Variants in EXT1 observed in about 807,000 individuals in gnomAD.
EXT1 encodes exostosin-1.
A neutral mutation model predicts 82.5 loss-of-function variants in EXT1; 20 were observed. The observed-to-expected ratio is 0.24, with a 90% CI of 0.17 to 0.35. EXT1 has a LOEUF of 0.35. Ranked by LOEUF, EXT1 falls within the 10% of genes least tolerant of loss-of-function variation. EXT1 has a pLI of 1.00. For synonymous variants in EXT1, 348 were observed against 350.8 expected (o/e 0.99, Z 0.09); for missense variants, 757 against 936.5 (o/e 0.81, Z 2.50).
intron 1 of EXT1, among the ~76,000 whole-genome samples, chr8:117,885,946 G>C (rs1813140488): frequency 6.6e-6 from 1 of 152,152 alleles, no homozygotes; most frequent in Non-Finnish European, 1.5e-5. Context: ...CTAGAGTATG[G>C]TGGAATGAGC....
At chr8:118,073,632 AAGAAGAGAAG>A (rs200527277) in intron 1 of EXT1, among the ~76,000 whole-genome samples, 10,717 of 89,314 alleles carry the variant, frequency 0.12, 593 homozygotes, top group Admixed American at 0.15. Flanking sequence ...AGAGAAGAGA[AAGAAGAGAAG>A]AGAAGAGAAG....
At chr8:117,839,720 T>C (rs778818923) in intron 1 of EXT1, among the ~76,000 whole-genome samples, 3 of 152,258 alleles carry the variant, frequency 2.0e-5, no homozygotes, top group Non-Finnish European at 4.4e-5. Context: ...GACCACGTGC[T>C]TGATCCTCTC....
At chr8:117,912,606 A>G (rs1210748831) in intron 1 of EXT1, among the ~76,000 whole-genome samples, 1 of 152,198 alleles carries the variant, frequency 6.6e-6, no homozygotes, top group Admixed American at 6.5e-5. Flanking sequence ...TCACATCAAC[A>G]GTCTCAGAGC....
At chr8:117,873,117 C>T (rs937601601) in intron 1 of EXT1, among the ~76,000 whole-genome samples, 6 of 152,160 alleles carry the variant, frequency 3.9e-5, no homozygotes, top group African/African-American at 1.4e-4. Context: ...TCTTCACCAT[C>T]TCAGCCACAT....
At chr8:117,843,884 G>C (rs999262084) in intron 1 of EXT1, among the ~76,000 whole-genome samples, 1 of 151,976 alleles carries the variant, frequency 6.6e-6, no homozygotes, top group Non-Finnish European at 1.5e-5. Context: ...TTGCCTCCTT[G>C]GTCAGCCCAT....
At chr8:118,102,189 C>T (rs1817731147) in intron 1 of EXT1, among the ~76,000 whole-genome samples, 2 of 152,126 alleles carry the variant, frequency 1.3e-5, no homozygotes, top group South Asian at 2.1e-4. Flanking sequence ...ATCCCTTGAA[C>T]CCAGGAAGCG....
intron 1 of EXT1, among the ~76,000 whole-genome samples, chr8:118,088,999 G>A (rs1224380314): frequency 6.6e-6 from 1 of 152,140 alleles, no homozygotes; most frequent in Non-Finnish European, 1.5e-5. Context: ...TTGATTCAAG[G>A]AGAACGTGTG....
chr8:117,874,948 T>C (rs995279124), intron 1 of EXT1, among the ~76,000 whole-genome samples: 1 of 152,196 alleles, frequency 6.6e-6, no homozygotes. Context: ...TCTACACATA[T>C]AAGGTGCAAA....
At chr8:117,971,889 G>A (rs894911022) in intron 1 of EXT1, among the ~76,000 whole-genome samples, 3 of 152,268 alleles carry the variant, frequency 2.0e-5, no homozygotes, top group East Asian at 1.9e-4. Context: ...GGTGGCTCAC[G>A]CCTGTAATCC....
chr8:118,045,613 T>G (rs145026645), intron 1 of EXT1, among the ~76,000 whole-genome samples: 318 of 152,234 alleles, frequency 2.1e-3, no homozygotes, highest in African/African-American at 7.1e-3. Context: ...GCCTCTTCTA[T>G]GTCATCCATC....
chr8:117,897,626 G>A (rs1021026555), intron 1 of EXT1, among the ~76,000 whole-genome samples: 7 of 111,456 alleles, frequency 6.3e-5, no homozygotes, highest in African/African-American at 1.5e-4. Context: ...ACAGAGTCTC[G>A]CTCTGTCGAC....
intron 1 of EXT1, among the ~76,000 whole-genome samples, chr8:117,872,898 T>C (rs1032594354): frequency 5.3e-5 from 8 of 151,672 alleles, no homozygotes; most frequent in African/African-American, 9.7e-5. Flanking sequence ...TTTTACATAA[T>C]AAATAGATTC....
intron 1 of EXT1, among the ~76,000 whole-genome samples, chr8:117,957,285 G>A (rs1349780072): frequency 6.6e-6 from 1 of 152,236 alleles, no homozygotes; most frequent in Admixed American, 6.5e-5. Context: ...GATGAAAGCT[G>A]AGGATTGGTT....
chr8:118,029,845 C>A (rs1376412212), intron 1 of EXT1, among the ~76,000 whole-genome samples: 2 of 152,222 alleles, frequency 1.3e-5, no homozygotes, highest in East Asian at 3.8e-4. Flanking sequence ...CCTACTTGCA[C>A]ATTCCTTATT....
intron 1 of EXT1, among the ~76,000 whole-genome samples, chr8:118,075,562 G>C (rs1269175552): frequency 6.6e-6 from 1 of 152,088 alleles, no homozygotes; most frequent in Admixed American, 6.6e-5. Flanking sequence ...TCTGGGTTTT[G>C]GTTTTTTTGT....
chr8:118,046,367 A>G (rs1199959831), intron 1 of EXT1, among the ~76,000 whole-genome samples: 6 of 152,190 alleles, frequency 3.9e-5, no homozygotes, highest in African/African-American at 1.4e-4. Context: ...GCAGCTCACC[A>G]GGACTGACCC....
intron 1 of EXT1, among the ~76,000 whole-genome samples, chr8:118,086,302 G>A (rs565815779): frequency 6.6e-6 from 1 of 152,082 alleles, no homozygotes; most frequent in Admixed American, 6.5e-5. Flanking sequence ...AGCCTCTTTA[G>A]GTAAACCATT....
chr8:117,826,948 A>G (rs1390548276), intron 4 of EXT1, among the ~76,000 whole-genome samples: 1 of 152,234 alleles, frequency 6.6e-6, no homozygotes, highest in East Asian at 1.9e-4. Flanking sequence ...AAAATTGAGA[A>G]CTGCTAACTT....
rs535249689 is a variant in EXT1, at chr8:117,946,376, A to T, written c.963-109175T>A. ...GGTTTTTTGTTTTTTACTTTATGTC[A>T]ACGCTCTGAGGGAGGACGAATAAAA... is the stretch of plus-strand genomic sequence containing the variant. On this transcript the variant is annotated intron_variant, in intron 1 of 10. Transcript: ENST00000378204. 8.2e-5 allele frequency among the ~76,000 whole-genome samples: 9 copies of T among 109,688 alleles called. No individual in the cohort carries two copies. The South Asian group carries it at 2.7e-3, about 33-fold the overall frequency. 72.0% of individuals were successfully genotyped at this position (109,688 alleles called of 152,430 possible). A position where few individuals can be genotyped will look rare whatever the true frequency, so the allele number is the denominator to read the frequency against.
Sources: allele counts gnomAD v4.1 joint callset (sites outside exome capture counted in the v4.1 genomes callset), GRCh38; gene constraint gnomAD v4.1.1; transcripts MANE v1.5; gene names NCBI Gene and HGNC (gene_info 2026-07-23, HGNC 2026-07-21).